HSD17B2: variants seen among roughly 807,000 people sequenced by gnomAD.
HSD17B2 encodes hydroxysteroid 17-beta dehydrogenase 2.
A neutral mutation model predicts 26.9 loss-of-function variants in HSD17B2; 32 were observed. The observed-to-expected ratio is 1.19, with a 90% CI of 0.90 to 1.60. HSD17B2 has a LOEUF of 1.60. Among genes scored for constraint, HSD17B2 ranks in the 40% most tolerant of loss-of-function variants. The pLI, the probability that HSD17B2 is intolerant of heterozygous loss-of-function variation, is 0.00. For missense variants in HSD17B2, 613 were observed against 468.6 expected (o/e 1.31, Z -2.85); for synonymous variants, 246 against 186.7 (o/e 1.32, Z -2.59).
In HSD17B2 at chr16:82,051,249, T is replaced by C. The variant is rs768238790; in HGVS notation, c.265+15560T>C. ...ATTGCGTACGGCTCCTGGTATGCAG[T>C]AGATGCTTAATAAACTTCTGTTGAA... is the stretch of plus-strand genomic sequence containing the variant. On this transcript the variant is annotated intron_variant, in intron 1 of 4. Coordinates refer to ENST00000199936, the MANE Select transcript of HSD17B2 (RefSeq NM_002153.3). 2.6e-5 allele frequency among the ~76,000 whole-genome samples: 4 copies of C among 152,208 alleles called. No homozygotes were observed. The East Asian group carries it at 5.8e-4, about 22-fold the overall frequency.
At chr16:82,090,515 C>T (rs975206102) in intron 3 of HSD17B2, among the ~76,000 whole-genome samples, 1 of 151,858 alleles carries the variant, frequency 6.6e-6, no homozygotes, top group Non-Finnish European at 1.5e-5. Context: ...GACGGAGCTT[C>T]ACCATGTTGG....
intron 3 of HSD17B2, among the ~76,000 whole-genome samples, chr16:82,085,151 G>C (rs1469534670): frequency 6.6e-6 from 1 of 152,194 alleles, no homozygotes; most frequent in African/African-American, 2.4e-5. Context: ...TCTCAGTCCA[G>C]ACTGTGGGAT....
Position 82,068,382 on chromosome 16 carries a change from G to A in HSD17B2, c.478G>A (p.Gly160Arg), listed in dbSNP as rs199522661. The A allele has an allele frequency of 1.9e-6, 3 of 1,608,246 alleles. No homozygotes were observed. Among genetic ancestry groups the A allele is most frequent in the Non-Finnish European group, 8.5e-7 (1 of 1,177,550 alleles). Residue 160 changes from glycine to arginine, a missense_variant and splice_region_variant, in exon 2 of 5, where the codon GGA becomes AGA. Transcript: ENST00000199936. ...SKVAAMLQDR[G>R]LWAVINNAGV... ...GGTTGCAGCAATGCTGCAGGACAGA[G>A]GTACTGCCGCCAGCACCCTCAGTGC...
chr16:82,081,677 G>C (rs1413760079), intron 3 of HSD17B2, among the ~76,000 whole-genome samples: 4 of 152,194 alleles, frequency 2.6e-5, no homozygotes, highest in Non-Finnish European at 5.9e-5. Context: ...AGCTGCTTAT[G>C]TGTAGTATGT....
intron 3 of HSD17B2, among the ~76,000 whole-genome samples, chr16:82,080,542 G>A (rs980648148): frequency 6.6e-6 from 1 of 152,172 alleles, no homozygotes; most frequent in African/African-American, 2.4e-5. Context: ...GAAGGAGCAT[G>A]ACCCTGCTGA....
In HSD17B2 at chr16:82,069,806, G is replaced by A. The variant is rs8191157; in HGVS notation, c.479-1136G>A. Among the ~76,000 whole-genome samples the A allele has an allele frequency of 6.1e-3, 924 of 152,182 alleles. 9 individuals carry two copies. The highest frequency in any genetic ancestry group is 0.019 in the African/African-American group (807 of 41,534). The stretch of plus-strand genomic sequence containing the variant: ...AACATGGGGCCCCTAGCTTGATTTC[G>A]GAAGATTATTAGGAATGTTAGTTGG... On this transcript the variant is annotated intron_variant, in intron 2 of 4. Transcript: ENST00000199936.
intron 1 of HSD17B2, among the ~76,000 whole-genome samples, chr16:82,051,560 C>G (rs1160638654): frequency 6.7e-6 from 1 of 149,436 alleles, no homozygotes; most frequent in African/African-American, 2.5e-5. Context: ...ACATCGGGGC[C>G]TATTGGGGTG....
intron 1 of HSD17B2, among the ~76,000 whole-genome samples, chr16:82,065,414 C>T (rs1914547577): frequency 1.3e-5 from 2 of 152,120 alleles, no homozygotes; most frequent in African/African-American, 4.8e-5. Context: ...CTTCTCTGTG[C>T]AGAAGGAACA....
chr16:82,037,770 T>C (rs1913659864), intron 1 of HSD17B2, among the ~76,000 whole-genome samples: 1 of 152,194 alleles, frequency 6.6e-6, no homozygotes, highest in South Asian at 2.1e-4. Context: ...CATGGAAAAC[T>C]GCTTGGGCCA....
chr16:82,060,085 C>A (rs1026128526), intron 1 of HSD17B2, among the ~76,000 whole-genome samples: 2 of 152,144 alleles, frequency 1.3e-5, no homozygotes, highest in African/African-American at 2.4e-5. Flanking sequence ...CCTAAGTATG[C>A]TAGAGTTTTG....
At chr16:82,096,928 T>A (rs183814188) in intron 4 of HSD17B2, 22 of 152,072 alleles carry the variant, frequency 1.4e-4, no homozygotes, top group African/African-American at 5.3e-4. Context: ...AAGATGAATC[T>A]GTCCTATTAA....
intron 1 of HSD17B2, among the ~76,000 whole-genome samples, chr16:82,044,066 T>A (rs773617815): frequency 6.6e-6 from 1 of 152,234 alleles, no homozygotes. Context: ...TCCCATGGCC[T>A]AGTTTCCAGA....
chr16:82,089,425 G>C (rs1219469950), intron 3 of HSD17B2, among the ~76,000 whole-genome samples: 1 of 152,094 alleles, frequency 6.6e-6, no homozygotes, highest in Non-Finnish European at 1.5e-5. Flanking sequence ...CTGTTGTTAT[G>C]GGTCTAGTCT....
intron 3 of HSD17B2, among the ~76,000 whole-genome samples, chr16:82,084,116 G>GT (rs1208438988): frequency 6.6e-6 from 1 of 152,096 alleles, no homozygotes; most frequent in East Asian, 1.9e-4. Context: ...TTGCTCTTCG[G>GT]TTACTAGCTG....
intron 4 of HSD17B2, chr16:82,094,761 A>G (rs1904791303): frequency 6.6e-6 from 1 of 152,220 alleles, no homozygotes; most frequent in Non-Finnish European, 1.5e-5. Context: ...GTGCCCTGAA[A>G]TAAAGATAGC....
At chr16:82,068,408 C>T (rs1914623535) in intron 2 of HSD17B2, 26 bp downstream of exon 2, 3 of 1,568,908 alleles carry the variant, frequency 1.9e-6, no homozygotes, top group Non-Finnish European at 2.6e-6. Flanking sequence ...CCCTCAGTGC[C>T]TTTACCCTCC....
intron 3 of HSD17B2, among the ~76,000 whole-genome samples, chr16:82,075,103 T>G (rs1332713518): frequency 1.3e-5 from 2 of 151,882 alleles, no homozygotes; most frequent in East Asian, 3.9e-4. Flanking sequence ...GAGTGACCAG[T>G]AGGTCAATGA....
chr16:82,070,753 G>A, intron 2 of HSD17B2, 189 bp from the exon 3 acceptor site: 2 of 593,226 alleles, frequency 3.4e-6, no homozygotes, highest in Non-Finnish European at 6.0e-6. Context: ...CTAGCTTCCT[G>A]TTACAGGAAT....
chr16:82,091,369 CT>C (rs1904688868), intron 4 of HSD17B2: 1 of 340,436 alleles, frequency 2.9e-6, no homozygotes, highest in Non-Finnish European at 5.5e-6. Flanking sequence ...TGTCTGCCAG[CT>C]GGCAATTAAA....
Sources: gnomAD v4.1 joint callset for allele counts (sites outside exome capture counted in the v4.1 genomes callset) on GRCh38, gnomAD v4.1.1 for gene constraint, MANE v1.5 for transcripts, NCBI Gene and HGNC (gene_info 2026-07-23, HGNC 2026-07-21) for gene names.